Variants in LYPD6B observed in about 807,000 individuals in gnomAD.
LYPD6B encodes ly6/PLAUR domain-containing protein 6B.
LYPD6B carries 17 observed loss-of-function variants against 22.8 expected under a neutral mutation model. The ratio of observed to expected loss-of-function variants is 0.75; its 90% CI spans 0.51 to 1.12. The LOEUF is 1.12. Ranked by LOEUF, LYPD6B falls within the 50% of genes most tolerant of loss-of-function variation. The probability of loss-of-function intolerance (pLI) is 0.00; values close to 1 mark genes in which losing one functional copy is unlikely to be tolerated. For missense variants in LYPD6B, 221 were observed against 258.3 expected (o/e 0.86, Z 0.99); for synonymous variants, 106 against 91.6 (o/e 1.16, Z -0.90).
At chr2:149,191,519 CTA>C (rs1291038879) in intron 3 of LYPD6B, among the ~76,000 whole-genome samples, 1 of 152,128 alleles carries the variant, frequency 6.6e-6, no homozygotes, top group Non-Finnish European at 1.5e-5. Flanking sequence ...TCTGGACCGT[CTA>C]TTCTGTTTCA....
At chr2:149,059,564 G>C (rs1683974550) in intron 1 of LYPD6B, among the ~76,000 whole-genome samples, 1 of 152,232 alleles carries the variant, frequency 6.6e-6, no homozygotes, top group African/African-American at 2.4e-5. Context: ...ATTTTAAAAT[G>C]AAATTTCAAA....
At chr2:149,166,648 T>C (rs1690440076) in intron 3 of LYPD6B, among the ~76,000 whole-genome samples, 1 of 152,178 alleles carries the variant, frequency 6.6e-6, no homozygotes. Context: ...ACTGGCCTCC[T>C]TCTGACACCC....
intron 3 of LYPD6B, among the ~76,000 whole-genome samples, chr2:149,170,896 C>A (rs956405429): frequency 6.6e-6 from 1 of 152,172 alleles, no homozygotes; most frequent in African/African-American, 2.4e-5. Context: ...TAATCCCAGG[C>A]CCTTTAGACT....
rs1043658986 is a variant in LYPD6B, at chr2:149,042,037, C to T, written c.-67+3236C>T. Among the ~76,000 whole-genome samples the T allele has an allele frequency of 6.6e-5, 10 of 152,308 alleles. 1 individual carries two copies. In the South Asian group the frequency reaches 1.0e-3, roughly 16 times the overall value. Reference sequence around the variant, plus strand: ...CTGGGCACCCACTGCCTACCTTCCCCGGAAACTCCCTGTCCCTCTCTTGAG... The same window carrying T: ...CTGGGCACCCACTGCCTACCTTCCCTGGAAACTCCCTGTCCCTCTCTTGAG... On this transcript the variant is annotated intron_variant, in intron 1 of 6. Coordinates refer to ENST00000409642, the MANE Select transcript of LYPD6B (RefSeq NM_177964.5).
intron 3 of LYPD6B, among the ~76,000 whole-genome samples, chr2:149,167,891 T>G (rs879761227): frequency 2.0e-5 from 3 of 152,122 alleles, no homozygotes; most frequent in Non-Finnish European, 4.4e-5. Context: ...AGAGGTTTTT[T>G]TATGTTTTTT....
chr2:149,197,074 A>G (rs987239753), intron 3 of LYPD6B, among the ~76,000 whole-genome samples: 2 of 152,250 alleles, frequency 1.3e-5, no homozygotes, highest in Admixed American at 1.3e-4. Flanking sequence ...GCTCTCCTGC[A>G]GAACTTCTGT....
At chr2:149,135,457 C>G (rs763017893) in intron 2 of LYPD6B, among the ~76,000 whole-genome samples, 1 of 151,520 alleles carries the variant, frequency 6.6e-6, no homozygotes, top group African/African-American at 2.4e-5. Context: ...CGGTGACTCA[C>G]GCTTGTAACC....
intron 3 of LYPD6B, among the ~76,000 whole-genome samples, chr2:149,199,442 G>A (rs188851629): frequency 1.7e-3 from 260 of 152,266 alleles, no homozygotes; most frequent in African/African-American, 5.8e-3. Flanking sequence ...ATTTTTGAGC[G>A]CACAAGGACG....
At chr2:149,109,411 A>C (rs1218748606) in intron 1 of LYPD6B, among the ~76,000 whole-genome samples, 2 of 151,974 alleles carry the variant, frequency 1.3e-5, no homozygotes, top group African/African-American at 4.8e-5. Flanking sequence ...CTCTGTGCAC[A>C]ATTTGCCCTT....
Position 149,169,267 on chromosome 2 carries a change from C to T in LYPD6B, c.77+8432C>T, listed in dbSNP as rs193224599. ...TCCTTCTCTTGGACATGTCTCTTCC[C>T]CAAAACAGGCAATGTTAGCAAAAGC... On this transcript the variant is annotated intron_variant, in intron 3 of 6. Coordinates refer to ENST00000409642, the MANE Select transcript of LYPD6B (RefSeq NM_177964.5). Among the ~76,000 whole-genome samples the T allele has an allele frequency of 5.3e-5, 8 of 152,166 alleles. No individual in the cohort carries two copies. The East Asian group carries it at 1.6e-3, about 30-fold the overall frequency.
intron 2 of LYPD6B, among the ~76,000 whole-genome samples, chr2:149,141,514 T>C (rs1487114994): frequency 1.3e-5 from 2 of 152,230 alleles, no homozygotes; most frequent in Non-Finnish European, 2.9e-5. Flanking sequence ...GTGAATTTAA[T>C]GGGTCCATAG....
intron 1 of LYPD6B, among the ~76,000 whole-genome samples, chr2:149,109,344 A>G (rs1004139459): frequency 6.6e-6 from 1 of 152,090 alleles, no homozygotes; most frequent in Non-Finnish European, 1.5e-5. Flanking sequence ...TTGTTCTGCC[A>G]TCTTCTTGCT....
intron 3 of LYPD6B, among the ~76,000 whole-genome samples, chr2:149,193,277 T>G (rs1488877856): frequency 2.0e-5 from 3 of 152,170 alleles, no homozygotes; most frequent in African/African-American, 7.2e-5. Flanking sequence ...TTGGCCTCTT[T>G]CAGTTCTGTT....
chr2:149,177,043 G>A (rs1436587752), intron 3 of LYPD6B, among the ~76,000 whole-genome samples: 1 of 152,150 alleles, frequency 6.6e-6, no homozygotes, highest in African/African-American at 2.4e-5. Flanking sequence ...CAATTCAGCT[G>A]TGTTTGCATT....
intron 5 of LYPD6B, among the ~76,000 whole-genome samples, chr2:149,210,107 C>T (rs1693752821): frequency 2.6e-5 from 4 of 152,180 alleles, no homozygotes; most frequent in Admixed American, 2.6e-4. Context: ...CTTCATGGCT[C>T]ATGCTATTGT....
At chr2:149,080,841 CAAAAAA>C (rs35803068) in intron 1 of LYPD6B, among the ~76,000 whole-genome samples, 1 of 46,228 alleles carries the variant, frequency 2.2e-5, no homozygotes, top group African/African-American at 9.5e-5. Context: ...GACTCTATCT[CAAAAAA>C]AAAAAAAAAA....
intron 4 of LYPD6B, chr2:149,206,289 C>T: frequency 4.3e-6 from 1 of 234,712 alleles, no homozygotes; most frequent in Non-Finnish European, 8.7e-6. Context: ...GTGTGAGAAC[C>T]CCCTCTTCTT....
At chr2:149,086,479 T>G in intron 1 of LYPD6B, among the ~76,000 whole-genome samples, 1 of 152,090 alleles carries the variant, frequency 6.6e-6, no homozygotes, top group Non-Finnish European at 1.5e-5. Flanking sequence ...AAGAGATAAT[T>G]TTAAATCTGG....
chr2:149,195,555 T>C (rs865832764), intron 3 of LYPD6B, among the ~76,000 whole-genome samples: 50 of 152,352 alleles, frequency 3.3e-4, no homozygotes, highest in African/African-American at 1.2e-3. Context: ...CTCACATGTA[T>C]GTTAGAGTAG....
Sources: gnomAD v4.1 joint callset for allele counts (sites outside exome capture counted in the v4.1 genomes callset) on GRCh38, gnomAD v4.1.1 for gene constraint, MANE v1.5 for transcripts, NCBI Gene and HGNC (gene_info 2026-07-23, HGNC 2026-07-21) for gene names.